PARPBP: variants seen among roughly 807,000 people sequenced by gnomAD.
PARPBP encodes the protein PARP1 binding protein.
In PARPBP, 52 loss-of-function variants were observed where a neutral mutation model predicts 50.0. The observed-to-expected ratio is 1.04, with a 90% CI of 0.83 to 1.31. The LOEUF (loss-of-function observed/expected upper bound fraction) is 1.31. Among genes scored for constraint, PARPBP ranks in the 50% most tolerant of loss-of-function variants. The probability of loss-of-function intolerance (pLI) is 0.00; values close to 1 mark genes in which losing one functional copy is unlikely to be tolerated. For synonymous variants in PARPBP, 244 were observed against 232.1 expected, an observed-to-expected ratio of 1.05 and a Z score of -0.47; for missense variants, 697 against 672.0, an observed-to-expected ratio of 1.04 and a Z score of -0.41.
intron 3 of PARPBP, among the ~76,000 whole-genome samples, chr12:102,149,430 C>T (rs907420275): frequency 1.3e-5 from 2 of 152,124 alleles, no homozygotes; most frequent in Non-Finnish European, 2.9e-5. Context: ...TGGTTCCTAC[C>T]CTCTAGACCA....
intron 1 of PARPBP, among the ~76,000 whole-genome samples, chr12:102,121,582 C>G (rs1881110173): frequency 8.5e-6 from 1 of 118,326 alleles, no homozygotes; most frequent in Non-Finnish European, 1.6e-5. Flanking sequence ...AAGACAGAGT[C>G]TCACTCTGTC....
intron 9 of PARPBP, among the ~76,000 whole-genome samples, chr12:102,187,032 A>T (rs114842024): frequency 3.5e-3 from 540 of 152,312 alleles, no homozygotes; most frequent in African/African-American, 0.013. Context: ...AAAACTCTTG[A>T]GTACATCTAA....
chr12:102,131,652 T>C (rs967471465), intron 2 of PARPBP, among the ~76,000 whole-genome samples: 1 of 152,182 alleles, frequency 6.6e-6, no homozygotes, highest in African/African-American at 2.4e-5. Flanking sequence ...TGGAATACTC[T>C]ACAGCCGTAA....
At chr12:102,152,745 G>A (rs1018481318) in intron 3 of PARPBP, among the ~76,000 whole-genome samples, 1 of 149,950 alleles carries the variant, frequency 6.7e-6, no homozygotes, top group Non-Finnish European at 1.5e-5. Flanking sequence ...AATTTCATCT[G>A]ATACTTATTA....
At position 102,182,536 on chromosome 12, in the gene PARPBP, T is replaced by G; in HGVS notation, c.1185-13T>G. ...ATAGCAATAAATTTTTGCCTTTTTT[T>G]TTTTTGACATAGGTCTCCCACACAG... On this transcript the variant is annotated splice_polypyrimidine_tract_variant and intron_variant, in intron 8 of 10. Transcript: ENST00000327680. 1 of 1,591,168 alleles carries G rather than the reference T, an allele frequency of 6.3e-7. No individual in the cohort carries two copies. Among genetic ancestry groups the G allele is most frequent in the Non-Finnish European group, 8.6e-7 (1 of 1,168,682 alleles).
Position 102,123,835 on chromosome 12 carries a change from AT to A in PARPBP, c.-3-48del. 5 of 1,301,394 alleles carry A rather than the reference AT, an allele frequency of 3.8e-6. No homozygotes were observed. The South Asian group carries it at 6.5e-5, about 17-fold the overall frequency. The allele number at this position is 1,301,394 out of a possible 1,614,324, so 80.6% of individuals were successfully genotyped here. ...GCTTGCCTATACATGTTAAATGTTAATTTCAGGTTAACATAAGATACTTTAA... is the reference window on the plus strand; with the variant it reads ...GCTTGCCTATACATGTTAAATGTTAATTCAGGTTAACATAAGATACTTTAA... On this transcript the variant is annotated intron_variant, in intron 1 of 10. Coordinates refer to ENST00000327680, the MANE Select transcript of PARPBP (RefSeq NM_017915.5).
chr12:102,147,690 A>G (rs1336632256), intron 2 of PARPBP, among the ~76,000 whole-genome samples: 20 of 152,104 alleles, frequency 1.3e-4, no homozygotes. Flanking sequence ...CATTGTGCAC[A>G]TGTACCCTAA....
At position 102,182,609 on chromosome 12, in the gene PARPBP, G is replaced by A. The variant is rs1179830200; in HGVS notation, c.1245G>A (p.Met415Ile). The change falls in exon 9 of 11, where the codon ATG becomes ATA. Residue 415 changes from methionine to isoleucine, a missense_variant. Met to Ile is a conservative substitution (Grantham distance 10). Coordinates refer to ENST00000327680, the MANE Select transcript of PARPBP (RefSeq NM_017915.5). Reference protein sequence around the residue: ...KPLRERICVSMQEKKIKMKQT... With the variant: ...KPLRERICVSIQEKKIKMKQT... ...TAAGAGAACGCATCTGTGTGTCAATGCAAGAGAAAAAAATTAAGGTACAAT... is the reference window on the plus strand; with the variant it reads ...TAAGAGAACGCATCTGTGTGTCAATACAAGAGAAAAAAATTAAGGTACAAT... 5 of 1,608,574 alleles carry A rather than the reference G, an allele frequency of 3.1e-6. No individual in the cohort carries two copies. In the South Asian group the frequency reaches 3.3e-5, roughly 11 times the overall value.
chr12:102,166,539 G>A (rs912339847), intron 6 of PARPBP, among the ~76,000 whole-genome samples: 1 of 152,108 alleles, frequency 6.6e-6, no homozygotes, highest in African/African-American at 2.4e-5. Context: ...TTACATGTCA[G>A]ACATTGTGCT....
chr12:102,124,124 A>T, intron 2 of PARPBP, 83 bp downstream of exon 2: 2 of 931,348 alleles, frequency 2.1e-6, no homozygotes, highest in South Asian at 3.0e-5. Flanking sequence ...AAGCTTAAGA[A>T]TATTAATTTC....
intron 2 of PARPBP, among the ~76,000 whole-genome samples, chr12:102,126,957 TG>T (rs953353097): frequency 4.6e-5 from 7 of 152,200 alleles, no homozygotes; most frequent in Admixed American, 2.0e-4. Context: ...TATTTATTGG[TG>T]GATCTTTAGA....
At chr12:102,120,493 T>A (rs1056289992) in intron 1 of PARPBP, 5 of 456,512 alleles carry the variant, frequency 1.1e-5, no homozygotes, top group African/African-American at 1.0e-4. Context: ...ATGGAGCTGG[T>A]AGGTCCTGAG....
intron 4 of PARPBP, among the ~76,000 whole-genome samples, chr12:102,160,496 T>C (rs1205852120): frequency 6.6e-6 from 1 of 152,226 alleles, no homozygotes; most frequent in Non-Finnish European, 1.5e-5. Context: ...CTGCTTTGAT[T>C]TTCGGTAAAT....
At chr12:102,128,061 C>T (rs538629828) in intron 2 of PARPBP, among the ~76,000 whole-genome samples, 45 of 152,182 alleles carry the variant, frequency 3.0e-4, no homozygotes, top group Non-Finnish European at 5.6e-4. Flanking sequence ...GAACAGTTTT[C>T]AAGGATACAA....
rs933767670 is a variant in PARPBP, at chr12:102,196,442, A to G, written c.*151A>G. The G allele has an allele frequency of 5.6e-6, 4 of 716,372 alleles. No individual in the cohort carries two copies. In the African/African-American group the frequency reaches 7.2e-5, roughly 13 times the overall value. 44.4% of individuals were successfully genotyped at this position (716,372 alleles called of 1,614,324 possible). ...TTAGTATGTTAAGCATTGTTTAAAA[A>G]TACTAGTAAGTCATAATTATGCAGA... On this transcript the variant is annotated 3_prime_UTR_variant, in exon 11 of 11. Transcript: ENST00000327680.
chr12:102,156,176 C>CTTTTCCTTTTT (rs1886892547), intron 4 of PARPBP, among the ~76,000 whole-genome samples: 1 of 66,176 alleles, frequency 1.5e-5, no homozygotes, highest in African/African-American at 6.8e-5. Flanking sequence ...ATTAACCTTC[C>CTTTTCCTTTTT]TTTTTTTTTT....
In PARPBP at chr12:102,196,096, G is replaced by C; in HGVS notation, c.1545G>C (p.Leu515Phe). Residue 515 changes from leucine to phenylalanine, a missense_variant, in exon 11 of 11, where the codon TTG becomes TTC. By Grantham distance (22) the Leu-to-Phe change is conservative. Transcript: ENST00000327680. ...GCTCAAAAAGGAAACAGGTGGATTT[G>C]GATGGTGAAAATATTCTCTGTGATA... Reference protein sequence around the residue: ...NKSSKRKQVDLDGENILCDNR... With the variant: ...NKSSKRKQVDFDGENILCDNR... 1 of 1,611,896 alleles carries C rather than the reference G, an allele frequency of 6.2e-7. No homozygotes were observed. Among genetic ancestry groups the C allele is most frequent in the African/African-American group, 1.3e-5 (1 of 74,926 alleles).
chr12:102,157,288 A>T (rs2139249124), intron 4 of PARPBP, among the ~76,000 whole-genome samples: 1 of 152,332 alleles, frequency 6.6e-6, no homozygotes, highest in Admixed American at 6.5e-5. Context: ...TTTAGCGTAC[A>T]TTTCCTAAAA....
At chr12:102,120,537 AGG>A in intron 1 of PARPBP, 1 of 456,118 alleles carries the variant, frequency 2.2e-6, no homozygotes, top group South Asian at 1.5e-5. Flanking sequence ...AGGCCCGTAG[AGG>A]CCTGCTTAAC....
Sources: allele counts gnomAD v4.1 joint callset (sites outside exome capture counted in the v4.1 genomes callset), GRCh38; gene constraint gnomAD v4.1.1; transcripts MANE v1.5; gene names NCBI Gene and HGNC (gene_info 2026-07-23, HGNC 2026-07-21).